The following FOXK1 variants were observed in gnomAD, a reference collection of about 807,000 sequenced individuals.
The protein encoded by FOXK1 is forkhead box K1, also known as forkhead box protein K1.
A neutral mutation model predicts 51.9 loss-of-function variants in FOXK1; 19 were observed. The observed-to-expected ratio is 0.37, with a 90% CI of 0.26 to 0.54. The LOEUF (loss-of-function observed/expected upper bound fraction) is 0.54, where lower values mean the gene tolerates loss of function less well. Ranked by LOEUF, FOXK1 falls within the 20% of genes least tolerant of loss-of-function variation. FOXK1 has a pLI of 0.87. For missense variants in FOXK1, 870 were observed against 1,032.7 expected (o/e 0.84, Z 2.16); for synonymous variants, 537 against 482.6 (o/e 1.11, Z -1.48).
intron 1 of FOXK1, among the ~76,000 whole-genome samples, chr7:4,708,444 G>T (rs978874072): frequency 3.3e-5 from 5 of 152,158 alleles, no homozygotes; most frequent in Non-Finnish European, 7.4e-5. Context: ...CCACTTCCTT[G>T]GGAAAGGTTG....
At chr7:4,700,150 G>A (rs745807704) in intron 1 of FOXK1, among the ~76,000 whole-genome samples, 2 of 152,228 alleles carry the variant, frequency 1.3e-5, no homozygotes, top group Admixed American at 1.3e-4. Context: ...GGCACCCTGT[G>A]TGGCCTGTCG....
At chr7:4,740,734 T>A in intron 1 of FOXK1, 104 bp from the exon 2 acceptor site, 1 of 1,186,536 alleles carries the variant, frequency 8.4e-7, no homozygotes, top group Non-Finnish European at 1.2e-6. Flanking sequence ...GGTTTGAGAG[T>A]TACGGTCCAG....
At chr7:4,738,434 C>T (rs1445303778) in intron 1 of FOXK1, among the ~76,000 whole-genome samples, 1 of 144,094 alleles carries the variant, frequency 6.9e-6, no homozygotes, top group Non-Finnish European at 1.5e-5. Context: ...AAGACTCCGT[C>T]TCAAAAAAAA....
At position 4,748,242 on chromosome 7, in the gene FOXK1, GTC is replaced by G. The variant is rs1780731213; in HGVS notation, c.747-6213_747-6212del. 1.3e-5 allele frequency among the ~76,000 whole-genome samples: 2 copies of G among 152,118 alleles called. No individual in the cohort carries two copies. Among genetic ancestry groups the G allele is most frequent in the Non-Finnish European group, 2.9e-5 (2 of 68,034 alleles). On this transcript the variant is annotated intron_variant, in intron 2 of 8. Coordinates refer to ENST00000328914, the MANE Select transcript of FOXK1 (RefSeq NM_001037165.2). This position sits in a 1 kb window ranked among gnomAD's most constrained non-coding sequence, Gnocchi z 4.9. ...CTGAGCCCTTCTCTCTCACTTCTGT[GTC>G]TCTGAGTCGTATTCGTACGTGACTG...
intron 1 of FOXK1, among the ~76,000 whole-genome samples, chr7:4,721,190 G>A (rs187067434): frequency 3.3e-5 from 5 of 152,278 alleles, no homozygotes; most frequent in South Asian, 4.1e-4. Flanking sequence ...CAGTCTGCAC[G>A]CTTGGCTCAA....
In FOXK1 at chr7:4,748,829, C is replaced by G. The variant is rs1780738132; in HGVS notation, c.747-5630C>G. Among the ~76,000 whole-genome samples, 1 of 152,182 alleles carries G rather than the reference C, an allele frequency of 6.6e-6. No individual in the cohort carries two copies. The highest frequency in any genetic ancestry group is 2.4e-5 in the African/African-American group (1 of 41,442). On this transcript the variant is annotated intron_variant, in intron 2 of 8. Coordinates refer to ENST00000328914, the MANE Select transcript of FOXK1 (RefSeq NM_001037165.2). The surrounding 1 kb of genome is among the most constrained non-coding windows in gnomAD (Gnocchi z 4.9). The stretch of plus-strand genomic sequence containing the variant: ...GAGTAGTAGGGACTACAGGTGTGCA[C>G]CACCATGCCCGGCTAATTTTTGTAT...
Position 4,753,422 on chromosome 7 carries a change from G to A in FOXK1, c.747-1037G>A, listed in dbSNP as rs191505515. Among the ~76,000 whole-genome samples the A allele has an allele frequency of 6.6e-6, 1 of 152,052 alleles. No individual in the cohort carries two copies. Among genetic ancestry groups the A allele is most frequent in the Admixed American group, 6.5e-5 (1 of 15,278 alleles). ...TTCTGGATGGTTCTGGATGGTTCTGGGTGGTTCTGGATGGTTCTGGGTGGC... is the reference window on the plus strand; with the variant it reads ...TTCTGGATGGTTCTGGATGGTTCTGAGTGGTTCTGGATGGTTCTGGGTGGC... On this transcript the variant is annotated intron_variant, in intron 2 of 8. Transcript: ENST00000328914. The surrounding 1 kb of genome is among the most constrained non-coding windows in gnomAD (Gnocchi z 4.9).
rs572350053 is a variant in FOXK1, at chr7:4,688,594, G to A, written c.560+5726G>A. 1.9e-3 allele frequency among the ~76,000 whole-genome samples: 292 copies of A among 152,066 alleles called. 1 individual carries two copies. Among genetic ancestry groups the A allele is most frequent in the African/African-American group, 6.8e-3 (284 of 41,522 alleles). On this transcript the variant is annotated intron_variant, in intron 1 of 8. Coordinates refer to ENST00000328914, the MANE Select transcript of FOXK1 (RefSeq NM_001037165.2). Reference sequence around the variant, plus strand: ...GTAGAGATATGGTTTCACCATGTTGGCCAGGCTGGTCTCGAAGTCCTGTCT... The same window carrying A: ...GTAGAGATATGGTTTCACCATGTTGACCAGGCTGGTCTCGAAGTCCTGTCT...
rs1170743259 is a variant in FOXK1 at position 4,759,609 on chromosome 7, G to A, written c.1696+14G>A. 28 of 1,530,740 alleles carry A rather than the reference G, an allele frequency of 1.8e-5. No homozygotes were observed. Among genetic ancestry groups the A allele is most frequent in the Admixed American group, 7.9e-5 (4 of 50,786 alleles). 94.8% of individuals were successfully genotyped at this position (1,530,740 alleles called of 1,614,324 possible). ...GCGAGGCCAGAGGTAATGCAGCCGC[G>A]GCTGGCAGCCTTCGCAGGACCCTTT... On this transcript the variant is annotated intron_variant, in intron 7 of 8. Transcript: ENST00000328914.
intron 1 of FOXK1, among the ~76,000 whole-genome samples, chr7:4,728,144 C>T (rs899484468): frequency 6.6e-6 from 1 of 152,178 alleles, no homozygotes; most frequent in Non-Finnish European, 1.5e-5. Flanking sequence ...TGGAGCAGTT[C>T]TGTTGGCAGC....
At chr7:4,725,101 G>T (rs757129723) in intron 1 of FOXK1, among the ~76,000 whole-genome samples, 8 of 152,212 alleles carry the variant, frequency 5.3e-5, no homozygotes, top group Non-Finnish European at 1.0e-4. Context: ...CGTCCTCCGC[G>T]CCCACGTTGC....
rs139425812 is a variant in FOXK1 at position 4,703,715 on chromosome 7, C to T, written c.560+20847C>T. 5.7e-3 allele frequency among the ~76,000 whole-genome samples: 862 copies of T among 152,284 alleles called. 14 individuals carry two copies. Among genetic ancestry groups the T allele is most frequent in the African/African-American group, 0.019 (802 of 41,540 alleles). Reference sequence around the variant, plus strand: ...GCCATGCAATTGACATAGCGCTGCTCGGGCGACCAGGAGGCCCTTCAGTGC... The same window carrying T: ...GCCATGCAATTGACATAGCGCTGCTTGGGCGACCAGGAGGCCCTTCAGTGC... On this transcript the variant is annotated intron_variant, in intron 1 of 8. Coordinates refer to ENST00000328914, the MANE Select transcript of FOXK1 (RefSeq NM_001037165.2). The surrounding 1 kb of genome is among the most constrained non-coding windows in gnomAD (Gnocchi z 5.6).
chr7:4,754,293 C>T (rs1455441900), intron 2 of FOXK1, among the ~76,000 whole-genome samples, 166 bp from the exon 3 acceptor site: 2 of 152,242 alleles, frequency 1.3e-5, no homozygotes, highest in African/African-American at 2.4e-5. Context: ...AGCATCTTGT[C>T]CCCGCCGCTG....
rs1217301313 is a variant in FOXK1, at chr7:4,759,562, G to A, written c.1663G>A (p.Ala555Thr). The stretch of plus-strand genomic sequence containing the variant: ...GGGGGGCTCCCATGATGCGGCGGGC[G>A]CAGCCGTGCTGGACCTGGGCAGCGA... ...AAGGSHDAAGAAVLDLGSEAR... is the reference protein window; with the variant it reads ...AAGGSHDAAGTAVLDLGSEAR... The change falls in exon 7 of 9, where the codon GCA (alanine) becomes ACA (threonine). Residue 555 changes from alanine to threonine, a missense_variant. Ala to Thr is a moderately conservative substitution (Grantham distance 58, BLOSUM62 0). Around this residue, in one of 3 missense-constraint regions of FOXK1, gnomAD observed 457 missense variants for 510.8 expected, o/e 0.89. Coordinates refer to ENST00000328914, the MANE Select transcript of FOXK1 (RefSeq NM_001037165.2). The A allele has an allele frequency of 2.6e-6, 4 of 1,539,614 alleles. No individual in the cohort carries two copies. Among genetic ancestry groups the A allele is most frequent in the South Asian group, 1.2e-5 (1 of 84,260 alleles).
chr7:4,688,379 TTTTTC>T lies in FOXK1; in HGVS notation c.560+5526_560+5530del, dbSNP rs199911705. On this transcript the variant is annotated intron_variant, in intron 1 of 8. Transcript: ENST00000328914. ...TTTCTCTTACTGTCGGCATGGTTGT[TTTTTC>T]TTTTCTTTTCTTTTTTTTATTTTTA... is the stretch of plus-strand genomic sequence containing the variant. 5.1e-3 allele frequency among the ~76,000 whole-genome samples: 771 copies of T among 152,012 alleles called. 5 individuals carry two copies. Among genetic ancestry groups the T allele is most frequent in the Non-Finnish European group, 7.6e-3 (518 of 67,966 alleles).
intron 2 of FOXK1, among the ~76,000 whole-genome samples, chr7:4,750,170 CCTCT>C: frequency 6.6e-6 from 1 of 152,336 alleles, no homozygotes; most frequent in South Asian, 2.1e-4. Context: ...GTGCTTCTTC[CCTCT>C]CTCAGCCTCC....
chr7:4,708,293 T>C (rs1471155904), intron 1 of FOXK1, among the ~76,000 whole-genome samples: 1 of 152,288 alleles, frequency 6.6e-6, no homozygotes. Flanking sequence ...TTTGTAAACA[T>C]GACCTAGTTG....
intron 1 of FOXK1, among the ~76,000 whole-genome samples, chr7:4,690,056 G>A (rs1360435294): frequency 6.6e-6 from 1 of 152,216 alleles, no homozygotes; most frequent in Non-Finnish European, 1.5e-5. Context: ...AAAGGCGAAG[G>A]GAAGAGCTGT....
rs1371977846 is a variant in FOXK1, at chr7:4,683,037, C to T, written c.560+169C>T. 6.8e-6 allele frequency among the ~76,000 whole-genome samples: 1 copy of T among 146,962 alleles called. No homozygotes were observed. The highest frequency in any genetic ancestry group is 1.5e-5 in the Non-Finnish European group (1 of 66,112). Reference sequence around the variant, plus strand: ...CCTGGACTCCGGGGTCAACCCCGACCCCCGCCTCCTGGCTCCCTAGGATCA... The same window carrying T: ...CCTGGACTCCGGGGTCAACCCCGACTCCCGCCTCCTGGCTCCCTAGGATCA... On this transcript the variant is annotated intron_variant, in intron 1 of 8. Coordinates refer to ENST00000328914, the MANE Select transcript of FOXK1 (RefSeq NM_001037165.2). The surrounding 1 kb of genome is among the most constrained non-coding windows in gnomAD (Gnocchi z 4.5).
Sources: gnomAD v4.1 joint callset for allele counts (sites outside exome capture counted in the v4.1 genomes callset) on GRCh38, gnomAD v4.1.1 for gene constraint, gnomAD v4.1.1 regional missense constraint, Gnocchi (gnomAD v3.1) non-coding constraint, MANE v1.5 for transcripts, NCBI Gene and HGNC (gene_info 2026-07-23, HGNC 2026-07-21) for gene names.